PAPPA: variants seen among roughly 807,000 people sequenced by gnomAD.
The protein encoded by PAPPA is pappalysin-1.
PAPPA carries 60 observed loss-of-function variants against 164.0 expected under a neutral mutation model. The ratio of observed to expected loss-of-function variants is 0.37; its 90% CI spans 0.30 to 0.45. PAPPA has a LOEUF of 0.45. PAPPA is among the 20% of genes least tolerant of loss of function. PAPPA has a pLI of 1.00. For missense variants in PAPPA, 1,782 were observed against 2,087.3 expected, an observed-to-expected ratio of 0.85 and a Z score of 2.85; for synonymous variants, 875 against 814.1, an observed-to-expected ratio of 1.07 and a Z score of -1.27.
intron 19 of PAPPA, among the ~76,000 whole-genome samples, chr9:116,368,703 C>T (rs533618819): frequency 3.4e-4 from 52 of 152,252 alleles, no homozygotes; most frequent in African/African-American, 1.1e-3. Context: ...AGAAGGAGGC[C>T]GGGGTTGCGG....
chr9:116,332,576 C>T (rs1846008211), intron 12 of PAPPA, 108 bp downstream of exon 12: 3 of 995,080 alleles, frequency 3.0e-6, no homozygotes, highest in South Asian at 2.0e-5. Context: ...TCCTTTTTCC[C>T]CTTTCTTGCT....
intron 19 of PAPPA, among the ~76,000 whole-genome samples, chr9:116,368,703 C>G (rs533618819): frequency 3.3e-5 from 5 of 152,134 alleles, no homozygotes; most frequent in Non-Finnish European, 7.4e-5. Flanking sequence ...AGAAGGAGGC[C>G]GGGGTTGCGG....
chr9:116,302,142 T>G (rs1326474977), intron 9 of PAPPA, among the ~76,000 whole-genome samples: 1 of 152,242 alleles, frequency 6.6e-6, no homozygotes, highest in East Asian at 1.9e-4. Context: ...TTTCCTCATC[T>G]GGAAGAATAA....
chr9:116,304,696 A>G (rs1172113134), intron 10 of PAPPA, among the ~76,000 whole-genome samples: 1 of 152,208 alleles, frequency 6.6e-6, no homozygotes, highest in African/African-American at 2.4e-5. Flanking sequence ...GCTGTCAGGA[A>G]TTACTGGTGA....
At chr9:116,279,582 G>C (rs111743976) in intron 9 of PAPPA, among the ~76,000 whole-genome samples, 1 of 152,146 alleles carries the variant, frequency 6.6e-6, no homozygotes, top group Non-Finnish European at 1.5e-5. Flanking sequence ...TCAGGGAACC[G>C]ACTTGGTGCT....
At chr9:116,161,606 TG>T (rs1486121056) in intron 1 of PAPPA, among the ~76,000 whole-genome samples, 2 of 152,144 alleles carry the variant, frequency 1.3e-5, no homozygotes, top group South Asian at 2.1e-4. Context: ...ATTGTTGTTA[TG>T]TTTTTTTAAA....
In PAPPA at chr9:116,347,166, C is replaced by T. The variant is rs892578001; in HGVS notation, c.3921C>T (p.Gly1307=). The T allele has an allele frequency of 1.2e-6, 2 of 1,613,836 alleles. No homozygotes were observed. Among genetic ancestry groups the T allele is most frequent in the Non-Finnish European group, 1.7e-6 (2 of 1,179,912 alleles). The part of the protein sequence containing the change: ...SFSCPEGTTF[G]SQCSFQCRHP... ...CCTGCCCTGAGGGCACCACCTTTGG[C>T]AGTCAATGTTCCTTCCAGTGCCGTC... Residue 1307 remains glycine (G), a synonymous_variant, in exon 15 of 22, where the codon GGC becomes GGT. Transcript: ENST00000328252. The surrounding 1 kb of genome is among the most constrained non-coding windows in gnomAD (Gnocchi z 4.5).
intron 9 of PAPPA, among the ~76,000 whole-genome samples, chr9:116,274,991 C>T (rs377518150): frequency 6.6e-6 from 1 of 152,146 alleles, no homozygotes; most frequent in African/African-American, 2.4e-5. Flanking sequence ...CATCTAGCAT[C>T]AAAGCTGAGC....
intron 6 of PAPPA, among the ~76,000 whole-genome samples, chr9:116,231,578 A>T (rs1384382931): frequency 1.3e-5 from 2 of 151,984 alleles, no homozygotes; most frequent in Non-Finnish European, 2.9e-5. Flanking sequence ...CATGTTGGCA[A>T]GCTTATTCTC....
intron 7 of PAPPA, among the ~76,000 whole-genome samples, chr9:116,240,896 T>G: frequency 6.6e-6 from 1 of 152,220 alleles, no homozygotes; most frequent in Non-Finnish European, 1.5e-5. Context: ...TTAAAAGTCA[T>G]CTCTCTCAAC....
At chr9:116,314,221 C>T (rs1845759513) in intron 10 of PAPPA, among the ~76,000 whole-genome samples, 2 of 151,688 alleles carry the variant, frequency 1.3e-5, no homozygotes, top group African/African-American at 4.8e-5. Flanking sequence ...CAGGCACACA[C>T]CACCACATCC....
intron 21 of PAPPA, among the ~76,000 whole-genome samples, chr9:116,393,417 A>C (rs1334717903): frequency 6.6e-6 from 1 of 152,190 alleles, no homozygotes; most frequent in African/African-American, 2.4e-5. Flanking sequence ...CTGCCTGCAT[A>C]TTCATGCATT....
rs76555651 is a variant in PAPPA at position 116,326,549 on chromosome 9, T to C, written c.3148-4695T>C. On this transcript the variant is annotated intron_variant, in intron 10 of 21. Coordinates refer to ENST00000328252, the MANE Select transcript of PAPPA (RefSeq NM_002581.5). ...TCAACATTGAATGTCAACATTTTAGTCATTCAAAGTAATAATTCTTTATTT... is the reference window on the plus strand; with the variant it reads ...TCAACATTGAATGTCAACATTTTAGCCATTCAAAGTAATAATTCTTTATTT... Among the ~76,000 whole-genome samples the C allele has an allele frequency of 4.0e-3, 604 of 152,324 alleles. 3 individuals carry two copies. Among genetic ancestry groups the C allele is most frequent in the African/African-American group, 0.014 (568 of 41,578 alleles).
chr9:116,163,462 A>G lies in PAPPA; in HGVS notation c.415+8875A>G, dbSNP rs539868037. On this transcript the variant is annotated intron_variant, in intron 1 of 21. Transcript: ENST00000328252. ...TGAGCTAGGAGATGTCAGTTCTAGC[A>G]CTAGTTTGCTGTGTGACTTTAGGCA... 8.5e-5 allele frequency among the ~76,000 whole-genome samples: 13 copies of G among 152,256 alleles called. No homozygotes were observed. The South Asian group carries it at 2.7e-3, about 32-fold the overall frequency.
At chr9:116,304,438 A>T (rs1301738570) in intron 10 of PAPPA, among the ~76,000 whole-genome samples, 1 of 152,258 alleles carries the variant, frequency 6.6e-6, no homozygotes, top group Non-Finnish European at 1.5e-5. Context: ...TGGGGCCAGC[A>T]AGAGAACAAG....
intron 1 of PAPPA, among the ~76,000 whole-genome samples, chr9:116,159,953 T>A (rs1843648496): frequency 6.6e-6 from 1 of 152,176 alleles, no homozygotes; most frequent in Admixed American, 6.5e-5. Flanking sequence ...GATCATTTGG[T>A]CCAGCACTTC....
At chr9:116,346,972 C>T in intron 14 of PAPPA, 54 bp from the exon 15 acceptor site, 4 of 1,462,614 alleles carry the variant, frequency 2.7e-6, no homozygotes, top group Admixed American at 3.9e-5. Context: ...GGGTATTTCT[C>T]CACATCTAGA....
rs376640466 is a variant in PAPPA at position 116,187,927 on chromosome 9, G to C, written c.1189G>C (p.Val397Leu). ...KQYNISWELD[V>L]LEVSNSSLRR... ...ATACAACATCTCCTGGGAGCTGGAC[G>C]TGCTGGAGGTGAGCAACTCCTCCCT... is the stretch of plus-strand genomic sequence containing the variant. Residue 397 changes from valine (V) to leucine (L), a missense_variant, in exon 2 of 22, where the codon GTG becomes CTG. Coordinates refer to ENST00000328252, the MANE Select transcript of PAPPA (RefSeq NM_002581.5). The surrounding 1 kb of genome is among the most constrained non-coding windows in gnomAD (Gnocchi z 4.2). 9.3e-6 allele frequency: 15 copies of C among 1,614,150 alleles called. No individual in the cohort carries two copies. The South Asian group carries it at 1.6e-4, about 18-fold the overall frequency.
In PAPPA at chr9:116,344,618, C is replaced by A; in HGVS notation, c.3687C>A (p.Ser1229Arg). ...AGAATGCTTCTCTCAATTGCTCCAG[C>A]AGCGACCGCTACCACGGTGCCCAGT... is the stretch of plus-strand genomic sequence containing the variant. ...AVENASLNCS[S>R]SDRYHGAQCT... Residue 1229 changes from serine (S) to arginine (R), a missense_variant, in exon 14 of 22, where the codon AGC (serine) becomes AGA (arginine). Transcript: ENST00000328252. 2 of 1,614,162 alleles carry A rather than the reference C, an allele frequency of 1.2e-6. No individual in the cohort carries two copies. Among genetic ancestry groups the A allele is most frequent in the Non-Finnish European group, 1.7e-6 (2 of 1,179,984 alleles).
Sources: gnomAD v4.1 joint callset for allele counts (sites outside exome capture counted in the v4.1 genomes callset) on GRCh38, gnomAD v4.1.1 for gene constraint, Gnocchi (gnomAD v3.1) non-coding constraint, MANE v1.5 for transcripts, NCBI Gene and HGNC (gene_info 2026-07-23, HGNC 2026-07-21) for gene names.